EYS: variants seen among roughly 807,000 people sequenced by gnomAD.
EYS encodes the protein EGF-like photoreceptor maintenance factor.
A neutral mutation model predicts 282.1 loss-of-function variants in EYS; 250 were observed. That is an observed-to-expected ratio of 0.89 (90% CI 0.80 to 0.98). EYS has a LOEUF of 0.98. Among genes scored for constraint, EYS ranks in the 50% least tolerant of loss-of-function variants. EYS has a pLI of 0.00. For missense variants in EYS, 4,016 were observed against 3,709.0 expected, an observed-to-expected ratio of 1.08 and a Z score of -2.15; for synonymous variants, 1,355 against 1,282.9, an observed-to-expected ratio of 1.06 and a Z score of -1.20.
chr6:64,175,726 C>A (rs535654583), intron 31 of EYS, among the ~76,000 whole-genome samples: 1 of 152,102 alleles, frequency 6.6e-6, no homozygotes, highest in Non-Finnish European at 1.5e-5. Flanking sequence ...TCCGGTCATG[C>A]CCTGTGAAGT....
intron 30 of EYS, among the ~76,000 whole-genome samples, chr6:64,265,048 A>C (rs1157336558): frequency 6.6e-6 from 1 of 151,588 alleles, no homozygotes; most frequent in African/African-American, 2.4e-5. Context: ...ATAAAACAAA[A>C]TTATCTATTT....
In EYS at chr6:65,351,454, T is replaced by C. The variant is rs1414196582; in HGVS notation, c.1459+2004A>G. Among the ~76,000 whole-genome samples, 3 of 151,894 alleles carry C rather than the reference T, an allele frequency of 2.0e-5. No homozygotes were observed. The East Asian group carries it at 5.8e-4, about 29-fold the overall frequency. On this transcript the variant is annotated intron_variant, in intron 9 of 42. Transcript: ENST00000503581. ...ACCCATTTTCTAAAACATATATTTG[T>C]TATTTTACTGCCATTCATAAAGTTG... is the stretch of plus-strand genomic sequence containing the variant.
At chr6:64,199,262 G>T (rs1212313613) in intron 31 of EYS, among the ~76,000 whole-genome samples, 1 of 152,084 alleles carries the variant, frequency 6.6e-6, no homozygotes, top group Non-Finnish European at 1.5e-5. Context: ...CAGAACAGTG[G>T]CCTCAGAAAT....
At chr6:63,888,873 A>C (rs889989466) in intron 35 of EYS, among the ~76,000 whole-genome samples, 7 of 152,350 alleles carry the variant, frequency 4.6e-5, no homozygotes, top group South Asian at 4.1e-4. Flanking sequence ...AATCCAATGA[A>C]AGAAAGCTAA....
intron 5 of EYS, among the ~76,000 whole-genome samples, chr6:65,466,620 G>T (rs1765010377): frequency 6.6e-6 from 1 of 152,014 alleles, no homozygotes; most frequent in African/African-American, 2.4e-5. Context: ...GAGATATTTG[G>T]AAATTGGAAA....
At chr6:65,152,741 T>C (rs1250068337) in intron 12 of EYS, among the ~76,000 whole-genome samples, 1 of 151,720 alleles carries the variant, frequency 6.6e-6, no homozygotes, top group African/African-American at 2.4e-5. Context: ...TCCACTTTAA[T>C]AGTTCAGCCA....
intron 35 of EYS, among the ~76,000 whole-genome samples, chr6:63,867,773 G>A (rs767800989): frequency 4.6e-5 from 7 of 152,158 alleles, no homozygotes; most frequent in African/African-American, 1.2e-4. Flanking sequence ...TCCTGAATGC[G>A]TTTGCTAAAT....
At chr6:64,634,815 C>T (rs754183259) in intron 22 of EYS, among the ~76,000 whole-genome samples, 33 of 152,124 alleles carry the variant, frequency 2.2e-4, no homozygotes, top group South Asian at 4.2e-4. Flanking sequence ...CTTTTAAGAA[C>T]ATTCAATATA....
intron 22 of EYS, among the ~76,000 whole-genome samples, chr6:64,760,888 T>C (rs1174877811): frequency 1.3e-5 from 2 of 152,170 alleles, no homozygotes; most frequent in Non-Finnish European, 2.9e-5. Flanking sequence ...CAGTGAGGAA[T>C]TGAGGACACT....
At chr6:64,885,705 G>A (rs1327802276) in intron 19 of EYS, among the ~76,000 whole-genome samples, 1 of 151,728 alleles carries the variant, frequency 6.6e-6, no homozygotes, top group Non-Finnish European at 1.5e-5. Flanking sequence ...GTGTATATGA[G>A]ATTTGTTACC....
intron 26 of EYS, among the ~76,000 whole-genome samples, chr6:64,536,617 T>C (rs995487976): frequency 1.3e-5 from 2 of 152,092 alleles, no homozygotes; most frequent in Non-Finnish European, 2.9e-5. Context: ...CCCCAAAATT[T>C]GGGTAATGCA....
chr6:65,655,966 C>T (rs1187729276), intron 1 of EYS, among the ~76,000 whole-genome samples: 1 of 151,810 alleles, frequency 6.6e-6, no homozygotes, highest in Admixed American at 6.6e-5. Context: ...GTGCTCACTT[C>T]GTGTCTCTGC....
At chr6:64,518,371 T>C (rs1458760888) in intron 26 of EYS, among the ~76,000 whole-genome samples, 1 of 151,704 alleles carries the variant, frequency 6.6e-6, no homozygotes, top group Non-Finnish European at 1.5e-5. Flanking sequence ...GGCTGGATCT[T>C]AGTGGATGCT....
intron 31 of EYS, among the ~76,000 whole-genome samples, chr6:64,083,199 A>C (rs1473750431): frequency 6.6e-6 from 1 of 152,120 alleles, no homozygotes; most frequent in Non-Finnish European, 1.5e-5. Flanking sequence ...GTGAGCCACC[A>C]TGCCCAGCCA....
At chr6:64,686,114 C>T (rs192709485) in intron 22 of EYS, among the ~76,000 whole-genome samples, 4,308 of 144,712 alleles carry the variant, frequency 0.03, 121 homozygotes, top group East Asian at 0.15. Flanking sequence ...TAAAAAAAAA[C>T]AGGAAACTGT....
At chr6:64,133,838 C>A (rs1271184666) in intron 31 of EYS, among the ~76,000 whole-genome samples, 2 of 151,312 alleles carry the variant, frequency 1.3e-5, no homozygotes, top group African/African-American at 4.9e-5. Flanking sequence ...GATTCCATAT[C>A]TTTCTTTTTT....
chr6:64,814,743 GT>G (rs1325135107), intron 21 of EYS, among the ~76,000 whole-genome samples: 2 of 151,902 alleles, frequency 1.3e-5, no homozygotes, highest in Non-Finnish European at 2.9e-5. Context: ...ATTTTCAAGA[GT>G]TTTACCTAAA....
chr6:65,490,511 G>A lies in EYS; in HGVS notation c.862+83C>T, dbSNP rs573293984. 3.3e-4 allele frequency: 267 copies of A among 802,678 alleles called. 4 individuals carry two copies. In the South Asian group the frequency reaches 3.7e-3, roughly 11 times the overall value. 49.7% of individuals were successfully genotyped at this position (802,678 alleles called of 1,614,324 possible). On this transcript the variant is annotated intron_variant, in intron 5 of 42. Coordinates refer to ENST00000503581, the MANE Select transcript of EYS (RefSeq NM_001142800.2). ...GAAATTGTATTTTTCAATAATAAAG[G>A]AAATATTTCACATTTAATTTGAAAT...
intron 1 of EYS, among the ~76,000 whole-genome samples, chr6:65,675,783 CCAGTAGAATAAA>C (rs1403623587): frequency 6.6e-6 from 1 of 151,850 alleles, no homozygotes; most frequent in Admixed American, 6.6e-5. Context: ...CTACACAAAA[CCAGTAGAATAAA>C]CATTCTTCTC....
Sources: gnomAD v4.1 joint callset for allele counts (sites outside exome capture counted in the v4.1 genomes callset) on GRCh38, gnomAD v4.1.1 for gene constraint, MANE v1.5 for transcripts, NCBI Gene and HGNC (gene_info 2026-07-23, HGNC 2026-07-21) for gene names.